BFSP2: variants seen among roughly 807,000 people sequenced by gnomAD.
The protein encoded by BFSP2 is beaded filament structural protein 2.
Under a neutral mutation model 44.9 loss-of-function variants are expected in BFSP2, and 38 were observed. That is an observed-to-expected ratio of 0.85 (90% CI 0.65 to 1.11). The LOEUF is 1.11. Among genes scored for constraint, BFSP2 ranks in the 50% least tolerant of loss-of-function variants. The pLI is 0.00. For missense variants in BFSP2, 525 were observed against 533.0 expected, an observed-to-expected ratio of 0.99 and a Z score of 0.15; for synonymous variants, 197 against 209.9, an observed-to-expected ratio of 0.94 and a Z score of 0.53.
At chr3:133,452,492 C>G (rs1378524184) in intron 4 of BFSP2, among the ~76,000 whole-genome samples, 2 of 152,176 alleles carry the variant, frequency 1.3e-5, no homozygotes. Context: ...TGGAGCAACA[C>G]AGAGGTAAAG....
At chr3:133,459,423 A>G (rs1459033408) in intron 4 of BFSP2, among the ~76,000 whole-genome samples, 1 of 152,200 alleles carries the variant, frequency 6.6e-6, no homozygotes, top group Non-Finnish European at 1.5e-5. Flanking sequence ...TTTTATCAAG[A>G]GGATGAGCTT....
intron 1 of BFSP2, among the ~76,000 whole-genome samples, chr3:133,423,401 C>T (rs938384630): frequency 3.9e-5 from 6 of 152,236 alleles, no homozygotes; most frequent in African/African-American, 1.4e-4. Flanking sequence ...TAGCATAGTG[C>T]TTGCCCATGG....
At chr3:133,427,996 A>C (rs1465225450) in intron 1 of BFSP2, among the ~76,000 whole-genome samples, 1 of 152,240 alleles carries the variant, frequency 6.6e-6, no homozygotes, top group Non-Finnish European at 1.5e-5. Context: ...ACACAGCACC[A>C]GTTAAATAAC....
rs35193779 is a variant in BFSP2, at chr3:133,422,105, C to CAAAAAAA, written c.489+21548_489+21554dup. ...CTGGCAACAAAGCGAGACTCCATCTCAAAAAAAAAAAAAAAAAAAAATCCA... is the reference window on the plus strand; with the variant it reads ...CTGGCAACAAAGCGAGACTCCATCTCAAAAAAAAAAAAAAAAAAAAAAAAAAAATCCA... On this transcript the variant is annotated intron_variant, in intron 1 of 6. Coordinates refer to ENST00000302334, the MANE Select transcript of BFSP2 (RefSeq NM_003571.4). Among the ~76,000 whole-genome samples the CAAAAAAA allele has an allele frequency of 3.2e-3, 268 of 84,060 alleles. 20 individuals carry two copies. Among genetic ancestry groups the CAAAAAAA allele is most frequent in the African/African-American group, 0.015 (256 of 17,380 alleles). The allele number at this position is 84,060 out of a possible 152,430, so 55.1% of individuals were successfully genotyped here. A position where few individuals can be genotyped will look rare whatever the true frequency, so the allele number is the denominator to read the frequency against.
chr3:133,439,480 G>T (rs2073823442), intron 1 of BFSP2, among the ~76,000 whole-genome samples: 1 of 152,230 alleles, frequency 6.6e-6, no homozygotes, highest in African/African-American at 2.4e-5. Flanking sequence ...GGCAGGAAAA[G>T]ATCAGAATAA....
intron 1 of BFSP2, among the ~76,000 whole-genome samples, chr3:133,418,842 C>T (rs562111558): frequency 3.3e-5 from 5 of 152,302 alleles, no homozygotes; most frequent in Non-Finnish European, 5.9e-5. Context: ...TGTTGCGTGA[C>T]GTCTGCAAAC....
rs570755209 is a variant in BFSP2, at chr3:133,462,576, C to G, written c.892-4252C>G. ...AGTGATGGTAAATGTTTCACAACTG[C>G]TTTCTGGGTGAAATATATGTATATG... On this transcript the variant is annotated intron_variant, in intron 4 of 6. Coordinates refer to ENST00000302334, the MANE Select transcript of BFSP2 (RefSeq NM_003571.4). Among the ~76,000 whole-genome samples the G allele has an allele frequency of 2.8e-4, 42 of 152,326 alleles. No individual in the cohort carries two copies. In the South Asian group the frequency reaches 5.6e-3, roughly 20 times the overall value.
At chr3:133,442,947 T>C (rs964374831) in intron 1 of BFSP2, among the ~76,000 whole-genome samples, 1 of 151,900 alleles carries the variant, frequency 6.6e-6, no homozygotes, top group Non-Finnish European at 1.5e-5. Flanking sequence ...TACCTCTGCC[T>C]CCTGGGTTCA....
intron 1 of BFSP2, among the ~76,000 whole-genome samples, chr3:133,440,660 C>T (rs1054245066): frequency 1.3e-5 from 2 of 152,098 alleles, no homozygotes; most frequent in African/African-American, 4.8e-5. Flanking sequence ...GAGAGGCTTC[C>T]AGGGAAAGAG....
At chr3:133,463,382 G>T (rs577554273) in intron 4 of BFSP2, among the ~76,000 whole-genome samples, 127 of 152,268 alleles carry the variant, frequency 8.3e-4, no homozygotes, top group African/African-American at 3.0e-3. Context: ...GGCCAAGCAG[G>T]CAACTTGAAA....
chr3:133,400,620 C>A lies in BFSP2; in HGVS notation c.489+48C>A. On this transcript the variant is annotated intron_variant, in intron 1 of 6. Transcript: ENST00000302334. This position sits in a 1 kb window ranked among gnomAD's most constrained non-coding sequence, Gnocchi z 4.0. ...GGGCTTTGCAGAGGGCTGGGAGGGG[C>A]TGCTGAAGGCAGCGGGTAGGGTTGT... 6.4e-7 allele frequency: 1 copy of A among 1,557,632 alleles called. No individual in the cohort carries two copies. Among genetic ancestry groups the A allele is most frequent in the Non-Finnish European group, 8.7e-7 (1 of 1,151,616 alleles).
intron 1 of BFSP2, chr3:133,409,907 A>C (rs2073434476): frequency 6.4e-6 from 1 of 155,214 alleles, no homozygotes; most frequent in Non-Finnish European, 1.4e-5. Flanking sequence ...ATAAGGATGG[A>C]CACCAAGGAG....
chr3:133,429,652 T>A (rs1174166352), intron 1 of BFSP2: 1 of 152,172 alleles, frequency 6.6e-6, no homozygotes, highest in African/African-American at 2.4e-5. Context: ...GTTTTTGAGA[T>A]TTATCTGTGT....
chr3:133,437,768 T>C (rs527263538), intron 1 of BFSP2, among the ~76,000 whole-genome samples: 1 of 152,314 alleles, frequency 6.6e-6, no homozygotes, highest in Admixed American at 6.5e-5. Flanking sequence ...TTTACAGGCC[T>C]GCCCTGGAGA....
At chr3:133,446,653 G>A (rs2073904157) in intron 1 of BFSP2, among the ~76,000 whole-genome samples, 1 of 113,108 alleles carries the variant, frequency 8.8e-6, no homozygotes, top group Non-Finnish European at 1.8e-5. Context: ...GGAGTTTCTT[G>A]GGTTGAAGGG....
intron 4 of BFSP2, among the ~76,000 whole-genome samples, chr3:133,453,316 G>T (rs563442502): frequency 6.6e-5 from 10 of 152,320 alleles, no homozygotes; most frequent in African/African-American, 2.4e-4. Context: ...AAAAGCTTTT[G>T]TAAAGAAAAT....
At chr3:133,409,227 GGTGTGTGTGT>G (rs56156448) in intron 1 of BFSP2, among the ~76,000 whole-genome samples, 1 of 148,496 alleles carries the variant, frequency 6.7e-6, no homozygotes, top group African/African-American at 2.5e-5. Context: ...TTCTGACACT[GGTGTGTGTGT>G]GTGTGTGTGT....
Position 133,400,196 on chromosome 3 carries a change from G to GC in BFSP2, c.119dup (p.Ala41SerfsTer69), listed in dbSNP as rs1432305737. 6.2e-7 allele frequency: 1 copy of GC among 1,614,066 alleles called. No individual in the cohort carries two copies. Among genetic ancestry groups the GC allele is most frequent in the Non-Finnish European group, 8.5e-7 (1 of 1,180,010 alleles). On this transcript the variant is annotated frameshift_variant, in exon 1 of 7. Coordinates refer to ENST00000302334, the MANE Select transcript of BFSP2 (RefSeq NM_003571.4). LOFTEE classifies it high-confidence loss of function. The surrounding 1 kb of genome is among the most constrained non-coding windows in gnomAD (Gnocchi z 4.0). ...CCACGGTCATCATCCTCCCTGGAGA[G>GC]CCCCCCAGCCTCCAGGACCAATGCC...
intron 1 of BFSP2, among the ~76,000 whole-genome samples, chr3:133,423,020 T>C (rs1334101630): frequency 6.6e-6 from 1 of 152,204 alleles, no homozygotes; most frequent in Non-Finnish European, 1.5e-5. Flanking sequence ...ACTGCTGTGA[T>C]TTTGAGCTTC....
Sources: gnomAD v4.1 joint callset for allele counts (sites outside exome capture counted in the v4.1 genomes callset) on GRCh38, gnomAD v4.1.1 for gene constraint, Gnocchi (gnomAD v3.1) non-coding constraint, MANE v1.5 for transcripts, NCBI Gene and HGNC (gene_info 2026-07-23, HGNC 2026-07-21) for gene names.